CSNK2A2: variants seen among roughly 807,000 people sequenced by gnomAD.
CSNK2A2 encodes casein kinase II subunit alpha'.
CSNK2A2 carries 8 observed loss-of-function variants against 54.0 expected under a neutral mutation model. That is an observed-to-expected ratio of 0.15 (90% CI 0.09 to 0.27). The LOEUF (loss-of-function observed/expected upper bound fraction) is 0.27. Among genes scored for constraint, CSNK2A2 ranks in the 10% least tolerant of loss-of-function variants. The probability of loss-of-function intolerance (pLI) is 1.00; values close to 1 mark genes in which losing one functional copy is unlikely to be tolerated. For missense variants in CSNK2A2, 242 were observed against 439.4 expected (o/e 0.55, Z 4.02); for synonymous variants, 141 against 153.9 (o/e 0.92, Z 0.62).
intron 5 of CSNK2A2, among the ~76,000 whole-genome samples, chr16:58,171,325 C>T (rs1961730099): frequency 1.3e-5 from 2 of 151,958 alleles, no homozygotes; most frequent in Admixed American, 6.6e-5. Context: ...AGTTTTGAGA[C>T]CAGCCTGACC....
intron 4 of CSNK2A2, among the ~76,000 whole-genome samples, chr16:58,175,211 G>A (rs1360718178): frequency 6.6e-6 from 1 of 152,210 alleles, no homozygotes; most frequent in East Asian, 1.9e-4. Context: ...GTAATCCAGA[G>A]ACCCACTCGC....
intron 8 of CSNK2A2, 38 bp downstream of exon 8, chr16:58,167,169 A>AC (rs1293757644): frequency 1.3e-6 from 2 of 1,498,574 alleles, no homozygotes; most frequent in African/African-American, 2.8e-5. Context: ...TTTGGCATTC[A>AC]CCCCCAAATA....
chr16:58,185,122 T>C (rs1962155825), intron 3 of CSNK2A2, among the ~76,000 whole-genome samples: 1 of 151,962 alleles, frequency 6.6e-6, no homozygotes, highest in Non-Finnish European at 1.5e-5. Flanking sequence ...GCTTTCAAAA[T>C]TGGGAGAAAG....
At chr16:58,160,302 T>C (rs764736792) in intron 11 of CSNK2A2, 14 of 152,238 alleles carry the variant, frequency 9.2e-5, no homozygotes, top group Non-Finnish European at 2.1e-4. Flanking sequence ...TCTGATCGGT[T>C]ATTATCCCCT....
intron 11 of CSNK2A2, chr16:58,162,611 T>C (rs1435816634): frequency 6.6e-6 from 1 of 152,220 alleles, no homozygotes; most frequent in African/African-American, 2.4e-5. Context: ...TATGGCATTA[T>C]TAAATAGTTA....
intron 2 of CSNK2A2, chr16:58,192,914 T>C (rs1962352211): frequency 6.6e-6 from 1 of 152,296 alleles, no homozygotes; most frequent in Non-Finnish European, 1.5e-5. Context: ...TAATGGTTTC[T>C]AGGTTTCTAA....
chr16:58,175,195 T>G (rs1250042634), intron 4 of CSNK2A2, among the ~76,000 whole-genome samples: 2 of 152,190 alleles, frequency 1.3e-5, no homozygotes, highest in East Asian at 3.8e-4. Context: ...GAAGTTTTCA[T>G]TATTGGTAAT....
At chr16:58,169,444 T>C (rs1316640433) in intron 5 of CSNK2A2, among the ~76,000 whole-genome samples, 2 of 152,116 alleles carry the variant, frequency 1.3e-5, no homozygotes, top group East Asian at 3.9e-4. Context: ...GCTGGAGAAC[T>C]GCTTGAACCT....
At chr16:58,166,705 A>T (rs1012825206) in intron 8 of CSNK2A2, 21 bp from the exon 9 acceptor site, 1 of 1,564,462 alleles carries the variant, frequency 6.4e-7, no homozygotes, top group Admixed American at 1.7e-5. Context: ...AAACAAACTG[A>T]CCAAATCACT....
chr16:58,193,828 A>T (rs1962371425), intron 2 of CSNK2A2, among the ~76,000 whole-genome samples: 1 of 152,194 alleles, frequency 6.6e-6, no homozygotes, highest in Non-Finnish European at 1.5e-5. Context: ...TTTTCTCCTC[A>T]AAACAATTTG....
At chr16:58,166,732 A>G (rs2142411532) in intron 8 of CSNK2A2, 48 bp from the exon 9 acceptor site, 2 of 1,349,582 alleles carry the variant, frequency 1.5e-6, no homozygotes, top group Non-Finnish European at 2.1e-6. Flanking sequence ...AGAACACACC[A>G]TGAGCCCGTG....
At chr16:58,167,169 AC>A (rs1293757644) in intron 8 of CSNK2A2, 37 bp downstream of exon 8, 13 of 1,498,560 alleles carry the variant, frequency 8.7e-6, no homozygotes, top group Admixed American at 3.7e-5. Context: ...TTTGGCATTC[AC>A]CCCCAAATAA....
chr16:58,168,749 G>T (rs539597583), intron 5 of CSNK2A2, 56 bp from the exon 6 acceptor site: 2 of 1,316,184 alleles, frequency 1.5e-6, no homozygotes, highest in Non-Finnish European at 2.2e-6. Context: ...ATCCCCCAAC[G>T]CAAGCATAGT....
chr16:58,175,878 G>C (rs1002569024), intron 4 of CSNK2A2, among the ~76,000 whole-genome samples: 5 of 152,196 alleles, frequency 3.3e-5, no homozygotes, highest in Non-Finnish European at 7.3e-5. Context: ...TGTGGGGTTG[G>C]GTGGCTGGCC....
At chr16:58,179,390 A>C (rs1032200821) in intron 4 of CSNK2A2, among the ~76,000 whole-genome samples, 2 of 151,972 alleles carry the variant, frequency 1.3e-5, no homozygotes, top group African/African-American at 4.8e-5. Flanking sequence ...AGTCCCAGCT[A>C]CTCAGGAGCC....
chr16:58,176,983 G>A (rs2731747), intron 4 of CSNK2A2, among the ~76,000 whole-genome samples: 21,001 of 152,120 alleles, frequency 0.14, 1,995 homozygotes, highest in Admixed American at 0.27. Flanking sequence ...TGGTGGCAGA[G>A]TCATCAAATT....
intron 11 of CSNK2A2, chr16:58,159,903 T>G (rs971333805): frequency 2.6e-5 from 4 of 151,068 alleles, no homozygotes; most frequent in African/African-American, 4.9e-5. Flanking sequence ...GATTCAAAGT[T>G]GTTTTTTTTC....
chr16:58,175,621 A>G (rs1342450230), intron 4 of CSNK2A2, among the ~76,000 whole-genome samples: 6 of 152,246 alleles, frequency 3.9e-5, no homozygotes, highest in Non-Finnish European at 2.9e-5. Context: ...ACAGGGGAAT[A>G]AAAGAGACTT....
Position 58,197,271 on chromosome 16 carries a change from G to A in CSNK2A2, c.104+362C>T, listed in dbSNP as rs1962481837. On this transcript the variant is annotated intron_variant, in intron 1 of 11. Transcript: ENST00000262506. This position sits in a 1 kb window ranked among gnomAD's most constrained non-coding sequence, Gnocchi z 4.0. ...TCATCTCAGAAAACCTAAAAGGCAG[G>A]GCATTTTAATAGCTCCAAAGGACAG... 1.1e-5 allele frequency: 3 copies of A among 279,264 alleles called. No individual in the cohort carries two copies. The highest frequency in any genetic ancestry group is 5.3e-5 in the South Asian group (1 of 18,700). 17.3% of individuals were successfully genotyped at this position (279,264 alleles called of 1,614,324 possible). A position where few individuals can be genotyped will look rare whatever the true frequency, so the allele number is the denominator to read the frequency against.
Sources: gnomAD v4.1 joint callset for allele counts (sites outside exome capture counted in the v4.1 genomes callset) on GRCh38, gnomAD v4.1.1 for gene constraint, Gnocchi (gnomAD v3.1) non-coding constraint, MANE v1.5 for transcripts, NCBI Gene and HGNC (gene_info 2026-07-23, HGNC 2026-07-21) for gene names.